The following XRN1 variants were observed in gnomAD, a reference collection of about 807,000 sequenced individuals.
XRN1 encodes strand-exchange protein 1 homolog.
In XRN1, 67 loss-of-function variants were observed where a neutral mutation model predicts 222.3. The observed-to-expected ratio is 0.30, with a 90% confidence interval of 0.25 to 0.37. The LOEUF (loss-of-function observed/expected upper bound fraction) is 0.37, where lower values mean the gene tolerates loss of function less well. Ranked by LOEUF, XRN1 falls within the 10% of genes least tolerant of loss-of-function variation. XRN1 has a pLI of 1.00. For synonymous variants in XRN1, 643 were observed against 652.4 expected, an observed-to-expected ratio of 0.99 and a Z score of 0.22; for missense variants, 1,707 against 2,000.2, an observed-to-expected ratio of 0.85 and a Z score of 2.80.
chr3:142,337,395 TAGG>T (rs1474788165), intron 33 of XRN1, among the ~76,000 whole-genome samples: 1 of 152,232 alleles, frequency 6.6e-6, no homozygotes, highest in African/African-American at 2.4e-5. Flanking sequence ...CATTATACTC[TAGG>T]AGGTCAGAAA....
At chr3:142,313,811 G>A (rs1025573424) in intron 39 of XRN1, among the ~76,000 whole-genome samples, 2 of 152,114 alleles carry the variant, frequency 1.3e-5, no homozygotes, top group African/African-American at 2.4e-5. Context: ...GGCATGGCAC[G>A]TGGCTGTGGT....
chr3:142,327,569 T>C (rs759491678), intron 37 of XRN1, among the ~76,000 whole-genome samples: 1 of 152,124 alleles, frequency 6.6e-6, no homozygotes, highest in Non-Finnish European at 1.5e-5. Flanking sequence ...CCATCTTTTG[T>C]ACTATTTTTA....
chr3:142,342,374 G>A (rs867573341), intron 33 of XRN1, among the ~76,000 whole-genome samples: 1 of 152,032 alleles, frequency 6.6e-6, no homozygotes, highest in African/African-American at 2.4e-5. Context: ...TACTCAAAGG[G>A]ATCTACAGAT....
At chr3:142,405,214 GAA>G in intron 15 of XRN1, 138 bp from the exon 16 acceptor site, 2 of 727,174 alleles carry the variant, frequency 2.8e-6, no homozygotes, top group East Asian at 5.4e-5. Context: ...CTTAACTAAT[GAA>G]ACTCTTCCAT....
At chr3:142,383,029 CAATA>C (rs1262872440) in intron 22 of XRN1, among the ~76,000 whole-genome samples, 1 of 119,840 alleles carries the variant, frequency 8.3e-6, no homozygotes, top group Non-Finnish European at 1.7e-5. Context: ...CATACCACTA[CAATA>C]AACAAAACTG....
chr3:142,372,784 T>A (rs1382267824), intron 25 of XRN1, among the ~76,000 whole-genome samples: 1 of 152,180 alleles, frequency 6.6e-6, no homozygotes, highest in African/African-American at 2.4e-5. Flanking sequence ...CCTGGTTAAC[T>A]TCCAGAATAC....
chr3:142,445,075 G>A (rs753799422), intron 1 of XRN1, among the ~76,000 whole-genome samples: 3 of 151,712 alleles, frequency 2.0e-5, no homozygotes, highest in Non-Finnish European at 4.4e-5. Flanking sequence ...CTTTCTTATC[G>A]TTACTTTTTC....
At position 142,380,314 on chromosome 3, in the gene XRN1, GTA is replaced by G. The variant is rs1388268586; in HGVS notation, c.2617-136_2617-135del. 3 of 696,244 alleles carry G rather than the reference GTA, an allele frequency of 4.3e-6. No homozygotes were observed. In the African/African-American group the frequency reaches 5.4e-5, roughly 13 times the overall value. The allele number at this position is 696,244 out of a possible 1,614,324, so 43.1% of individuals were successfully genotyped here. A position where few individuals can be genotyped will look rare whatever the true frequency, so the allele number is the denominator to read the frequency against. On this transcript the variant is annotated intron_variant, in intron 22 of 40. Transcript: ENST00000392981. ...AATTCTCTTGAAATTTGTTAAGTGG[GTA>G]TGAAAATACTGTAAATTTGAGTCAC...
rs149578775 is a variant in XRN1, at chr3:142,391,817, G to A, written c.2339+5512C>T. Among the ~76,000 whole-genome samples, 274 of 149,180 alleles carry A rather than the reference G, an allele frequency of 1.8e-3. 1 individual carries two copies. The highest frequency in any genetic ancestry group is 6.5e-3 in the African/African-American group (262 of 40,578). Reference sequence around the variant, plus strand: ...ATTGTATTTTCTTACTATCCTGCATGAAAGGGTTTTTAATATATGGTGCAT... The same window carrying A: ...ATTGTATTTTCTTACTATCCTGCATAAAAGGGTTTTTAATATATGGTGCAT... On this transcript the variant is annotated intron_variant, in intron 20 of 40. Coordinates refer to ENST00000392981, the MANE Select transcript of XRN1 (RefSeq NM_001282857.2).
intron 15 of XRN1, among the ~76,000 whole-genome samples, chr3:142,408,570 T>A (rs2068440960): frequency 6.6e-6 from 1 of 152,220 alleles, no homozygotes; most frequent in Non-Finnish European, 1.5e-5. Flanking sequence ...ATTTTCAGAT[T>A]AGGGATGCTT....
At chr3:142,324,882 CATAA>C (rs531353876) in intron 37 of XRN1, among the ~76,000 whole-genome samples, 2 of 152,028 alleles carry the variant, frequency 1.3e-5, no homozygotes, top group Non-Finnish European at 2.9e-5. Flanking sequence ...CTGTTGGCTG[CATAA>C]ATGTCTTCTT....
chr3:142,375,988 A>G, intron 24 of XRN1, 44 bp from the exon 25 acceptor site: 1 of 1,522,022 alleles, frequency 6.6e-7, no homozygotes, highest in Non-Finnish European at 8.8e-7. Context: ...ACACACACAC[A>G]CACACACACA....
Position 142,307,037 on chromosome 3 carries a change from T to C in XRN1, c.*4474A>G, listed in dbSNP as rs532333872. On this transcript the variant is annotated 3_prime_UTR_variant, in exon 41 of 41. Coordinates refer to ENST00000392981, the MANE Select transcript of XRN1 (RefSeq NM_001282857.2). Reference sequence around the variant, plus strand: ...TGAACACTTCAATGACAGCACAGCATCTATTACTCACATTAAACTAGATGA... The same window carrying C: ...TGAACACTTCAATGACAGCACAGCACCTATTACTCACATTAAACTAGATGA... 1.3e-5 allele frequency: 2 copies of C among 152,706 alleles called. No individual in the cohort carries two copies. The highest frequency in any genetic ancestry group is 3.9e-4 in the East Asian group (2 of 5,190). The allele number at this position is 152,706 out of a possible 1,614,324, so 9.5% of individuals were successfully genotyped here.
chr3:142,389,325 T>G (rs1435198559), intron 20 of XRN1, among the ~76,000 whole-genome samples: 3 of 152,196 alleles, frequency 2.0e-5, no homozygotes, highest in Non-Finnish European at 4.4e-5. Context: ...TTTTTTTTGC[T>G]ATTTCCACCA....
At chr3:142,390,268 T>C (rs1013425161) in intron 20 of XRN1, among the ~76,000 whole-genome samples, 4 of 152,206 alleles carry the variant, frequency 2.6e-5, no homozygotes, top group Admixed American at 1.3e-4. Flanking sequence ...AGCCAGGCAT[T>C]GGCTTCTCCT....
chr3:142,321,105 C>CTTTTTTTTT lies in XRN1; in HGVS notation c.4405-2211_4405-2203dup, dbSNP rs573856556. Among the ~76,000 whole-genome samples, 19 of 87,310 alleles carry CTTTTTTTTT rather than the reference C, an allele frequency of 2.2e-4. 2 individuals carry two copies. The highest frequency in any genetic ancestry group is 1.1e-3 in the East Asian group (3 of 2,670). 57.3% of individuals were successfully genotyped at this position (87,310 alleles called of 152,430 possible). A position where few individuals can be genotyped will look rare whatever the true frequency, so the allele number is the denominator to read the frequency against. On this transcript the variant is annotated intron_variant, in intron 37 of 40. Coordinates refer to ENST00000392981, the MANE Select transcript of XRN1 (RefSeq NM_001282857.2). ...CATTTGCTGAAAGATCATCCACTTC[C>CTTTTTTTTT]TTTTTTTTTTTTTTTTTTTTTTTTT...
intron 22 of XRN1, 42 bp downstream of exon 22, chr3:142,383,258 A>G (rs1320179748): frequency 1.3e-6 from 2 of 1,483,160 alleles, no homozygotes; most frequent in African/African-American, 2.8e-5. Context: ...TAACTGCTTT[A>G]AACTAGAGAA....
chr3:142,350,350 T>A (rs1180968157), intron 32 of XRN1, among the ~76,000 whole-genome samples: 1 of 151,910 alleles, frequency 6.6e-6, no homozygotes, highest in African/African-American at 2.4e-5. Flanking sequence ...GTGGGGACCA[T>A]CCCTGGCATA....
At chr3:142,334,767 TACACACAC>T (rs761753366) in intron 34 of XRN1, among the ~76,000 whole-genome samples, 3 of 90,350 alleles carry the variant, frequency 3.3e-5, no homozygotes, top group Non-Finnish European at 5.0e-5. Context: ...TGTCTATGTA[TACACACAC>T]ACACACACAC....
Sources: gnomAD v4.1 joint callset for allele counts (sites outside exome capture counted in the v4.1 genomes callset) on GRCh38, gnomAD v4.1.1 for gene constraint, MANE v1.5 for transcripts, NCBI Gene and HGNC (gene_info 2026-07-23, HGNC 2026-07-21) for gene names.